ZFAND3: variants seen among roughly 807,000 people sequenced by gnomAD.
ZFAND3 encodes the protein AN1-type zinc finger protein 3.
A neutral mutation model predicts 29.6 loss-of-function variants in ZFAND3; 10 were observed. That is an observed-to-expected ratio of 0.34 (90% CI 0.21 to 0.57). The LOEUF (loss-of-function observed/expected upper bound fraction) is 0.57, where lower values mean the gene tolerates loss of function less well. Among genes scored for constraint, ZFAND3 ranks in the 20% least tolerant of loss-of-function variants. The pLI is 0.86. For missense variants in ZFAND3, 230 were observed against 304.5 expected (o/e 0.76, Z 1.82); for synonymous variants, 128 against 112.6 (o/e 1.14, Z -0.87).
chr6:37,854,091 A>G (rs1415828312), intron 1 of ZFAND3, among the ~76,000 whole-genome samples: 3 of 152,078 alleles, frequency 2.0e-5, no homozygotes, highest in African/African-American at 4.8e-5. Context: ...AGCTGGGATT[A>G]TAGGCATGCA....
At chr6:38,018,386 T>C (rs375346923) in intron 2 of ZFAND3, among the ~76,000 whole-genome samples, 4 of 152,226 alleles carry the variant, frequency 2.6e-5, no homozygotes, top group Admixed American at 1.3e-4. Context: ...TTACATTCTA[T>C]TTTCAAAACA....
chr6:38,000,986 A>G (rs1762937842), intron 2 of ZFAND3, among the ~76,000 whole-genome samples: 1 of 152,194 alleles, frequency 6.6e-6, no homozygotes, highest in Non-Finnish European at 1.5e-5. Flanking sequence ...AGAAAATTAT[A>G]GGCACTGGAC....
intron 1 of ZFAND3, among the ~76,000 whole-genome samples, chr6:37,918,044 T>A (rs140372981): frequency 4.5e-4 from 69 of 152,232 alleles, no homozygotes; most frequent in African/African-American, 1.6e-3. Flanking sequence ...TGAACAGAAA[T>A]GTTGCATCGT....
intron 3 of ZFAND3, among the ~76,000 whole-genome samples, chr6:38,065,324 A>G (rs559287017): frequency 2.6e-5 from 4 of 152,094 alleles, no homozygotes; most frequent in South Asian, 4.2e-4. Flanking sequence ...ACAAAAAAAA[A>G]AAAGAAAGAA....
intron 1 of ZFAND3, among the ~76,000 whole-genome samples, chr6:37,891,874 G>A (rs1765111577): frequency 1.3e-5 from 2 of 151,938 alleles, no homozygotes; most frequent in South Asian, 4.1e-4. Context: ...GATTACAGGT[G>A]CATGCTGCCA....
intron 2 of ZFAND3, among the ~76,000 whole-genome samples, chr6:38,050,072 A>G (rs189087461): frequency 1.1e-4 from 17 of 147,986 alleles, no homozygotes; most frequent in African/African-American, 4.3e-4. Flanking sequence ...ATCATGCGTC[A>G]GCCTCCTGAG....
intron 2 of ZFAND3, among the ~76,000 whole-genome samples, chr6:37,940,486 G>T (rs1286537110): frequency 6.6e-6 from 1 of 152,148 alleles, no homozygotes; most frequent in Non-Finnish European, 1.5e-5. Flanking sequence ...AAGCTTCAGT[G>T]CTTAGCTGGT....
At position 38,154,254 on chromosome 6, in the gene ZFAND3, G is replaced by A. The variant is rs1021714583; in HGVS notation, c.*1865G>A. ...CGAAGAGGCTGTGCGAGCCCTTCCC[G>A]GCCCTCCCCAGGGCCCCCCGCCCCC... is the stretch of plus-strand genomic sequence containing the variant. On this transcript the variant is annotated 3_prime_UTR_variant, in exon 6 of 6. Coordinates refer to ENST00000287218, the MANE Select transcript of ZFAND3 (RefSeq NM_021943.3). 9 of 985,326 alleles carry A rather than the reference G, an allele frequency of 9.1e-6. No individual in the cohort carries two copies. The highest frequency in any genetic ancestry group is 1.7e-5 in the African/African-American group (1 of 57,228). The allele number at this position is 985,326 out of a possible 1,614,324, so 61.0% of individuals were successfully genotyped here. A position where few individuals can be genotyped will look rare whatever the true frequency, so the allele number is the denominator to read the frequency against.
intron 5 of ZFAND3, among the ~76,000 whole-genome samples, chr6:38,117,536 T>C (rs1235365039): frequency 2.6e-5 from 4 of 152,230 alleles, no homozygotes; most frequent in Admixed American, 1.3e-4. Flanking sequence ...TTTAGGCTGA[T>C]TTACAGTTTC....
intron 3 of ZFAND3, among the ~76,000 whole-genome samples, chr6:38,069,653 TTGAAG>T (rs1330324868): frequency 6.6e-6 from 1 of 152,216 alleles, no homozygotes; most frequent in Admixed American, 6.5e-5. Context: ...ATATGCTATA[TTGAAG>T]TGAAGAGCCA....
chr6:37,854,887 T>C (rs1016054399), intron 1 of ZFAND3, among the ~76,000 whole-genome samples: 1 of 148,350 alleles, frequency 6.7e-6, no homozygotes, highest in East Asian at 2.0e-4. Flanking sequence ...AAGCTAAAGC[T>C]AATAAGTTAG....
Position 38,144,219 on chromosome 6 carries a change from AT to A in ZFAND3, c.530-8015del, listed in dbSNP as rs1197964264. Among the ~76,000 whole-genome samples the A allele has an allele frequency of 2.1e-4, 6 of 27,984 alleles. 1 individual carries two copies. The highest frequency in any genetic ancestry group is 1.6e-3 in the East Asian group (3 of 1,844). The allele number at this position is 27,984 out of a possible 152,430, so 18.4% of individuals were successfully genotyped here. A position where few individuals can be genotyped will look rare whatever the true frequency, so the allele number is the denominator to read the frequency against. On this transcript the variant is annotated intron_variant, in intron 5 of 5. Transcript: ENST00000287218. ...TATATATATATATATATAATATATA[AT>A]ATATATATATATTTTTTTTTTAATA...
At chr6:37,911,755 C>G (rs957049226) in intron 1 of ZFAND3, among the ~76,000 whole-genome samples, 6 of 152,136 alleles carry the variant, frequency 3.9e-5, no homozygotes, top group Non-Finnish European at 5.9e-5. Flanking sequence ...ACCACTGATT[C>G]TTGTTAGACA....
intron 2 of ZFAND3, among the ~76,000 whole-genome samples, chr6:37,974,132 C>T (rs1454412497): frequency 6.6e-6 from 1 of 152,174 alleles, no homozygotes; most frequent in Non-Finnish European, 1.5e-5. Context: ...AATCTGGGCT[C>T]ATTGCAACCT....
chr6:38,111,434 A>G (rs1174753939), intron 4 of ZFAND3, among the ~76,000 whole-genome samples: 1 of 152,226 alleles, frequency 6.6e-6, no homozygotes, highest in Non-Finnish European at 1.5e-5. Flanking sequence ...AGTACAGTTG[A>G]TGCTTGAACA....
chr6:37,943,082 G>A (rs1023362214), intron 2 of ZFAND3, among the ~76,000 whole-genome samples: 1 of 151,982 alleles, frequency 6.6e-6, no homozygotes, highest in African/African-American at 2.4e-5. Context: ...GTATGTAGGA[G>A]TATCATGTTG....
intron 2 of ZFAND3, among the ~76,000 whole-genome samples, chr6:38,036,909 C>T (rs2127454010): frequency 6.6e-6 from 1 of 152,270 alleles, no homozygotes; most frequent in East Asian, 1.9e-4. Flanking sequence ...CCACCATAGC[C>T]AGTCTTAAAT....
At chr6:37,945,311 G>C (rs770369733) in intron 2 of ZFAND3, among the ~76,000 whole-genome samples, 5 of 152,116 alleles carry the variant, frequency 3.3e-5, no homozygotes, top group Non-Finnish European at 7.4e-5. Context: ...CTCAGGGCTT[G>C]GGGGAAACTA....
intron 3 of ZFAND3, among the ~76,000 whole-genome samples, chr6:38,069,387 A>G (rs1764408474): frequency 2.6e-5 from 4 of 152,230 alleles, no homozygotes; most frequent in Non-Finnish European, 5.9e-5. Context: ...TCAAAGCATC[A>G]GGCCATTTAT....
Sources: allele counts gnomAD v4.1 joint callset (sites outside exome capture counted in the v4.1 genomes callset), GRCh38; gene constraint gnomAD v4.1.1; transcripts MANE v1.5; gene names NCBI Gene and HGNC (gene_info 2026-07-23, HGNC 2026-07-21).